The following AGBL1 variants were observed in gnomAD, a reference collection of about 807,000 sequenced individuals.
The protein encoded by AGBL1 is cytosolic carboxypeptidase 4.
In AGBL1, 130 loss-of-function variants were observed where a neutral mutation model predicts 118.9. That is an observed-to-expected ratio of 1.09 (90% confidence interval 0.95 to 1.26). The LOEUF is 1.26. Ranked by LOEUF, AGBL1 falls within the 50% of genes most tolerant of loss-of-function variation. AGBL1 has a pLI of 0.00. For synonymous variants in AGBL1, 555 were observed against 478.9 expected (o/e 1.16, Z -2.08); for missense variants, 1,584 against 1,298.1 (o/e 1.22, Z -3.38).
At chr15:86,805,121 G>C (rs895804542) in intron 22 of AGBL1, among the ~76,000 whole-genome samples, 42 of 151,944 alleles carry the variant, frequency 2.8e-4, no homozygotes, top group Admixed American at 6.6e-4. Context: ...GAGCAGAGCT[G>C]TCTCACCCAT....
chr15:86,670,382 T>A (rs57505149), intron 21 of AGBL1, among the ~76,000 whole-genome samples: 61,787 of 151,218 alleles, frequency 0.41, 12,955 homozygotes, highest in East Asian at 0.7. Context: ...GGCAGGCAGA[T>A]CACCTGAGGT....
chr15:86,125,496 A>C (rs1436804204), intron 1 of AGBL1, among the ~76,000 whole-genome samples: 1 of 152,202 alleles, frequency 6.6e-6, no homozygotes, highest in Non-Finnish European at 1.5e-5. Context: ...GCATCCTCTG[A>C]GTCCCCTTCA....
chr15:86,944,187 A>C lies in AGBL1; in HGVS notation c.3222-43800A>C, dbSNP rs368728925. ...GGAGTTCGAGACCAGCCTGACCAAC[A>C]TGGAGAAACTCTGTCTCTATTAAAA... On this transcript the variant is annotated intron_variant, in intron 23 of 24. Transcript: ENST00000441037. 2.4e-4 allele frequency among the ~76,000 whole-genome samples: 36 copies of C among 152,094 alleles called. 1 individual carries two copies. In the South Asian group the frequency reaches 7.3e-3, roughly 31 times the overall value.
At chr15:86,426,361 C>G (rs540467852) in intron 18 of AGBL1, among the ~76,000 whole-genome samples, 1 of 152,336 alleles carries the variant, frequency 6.6e-6, no homozygotes, top group Admixed American at 6.5e-5. Context: ...AAGAAAATCT[C>G]TTTTCCCAGG....
chr15:86,778,524 C>T (rs372201949), intron 22 of AGBL1, among the ~76,000 whole-genome samples: 23 of 152,270 alleles, frequency 1.5e-4, no homozygotes, highest in Admixed American at 1.5e-3. Context: ...TTCTCTTTCT[C>T]AGGGATGTTC....
At chr15:86,923,564 T>C (rs2141622959) in intron 23 of AGBL1, among the ~76,000 whole-genome samples, 2 of 152,374 alleles carry the variant, frequency 1.3e-5, no homozygotes, top group Admixed American at 1.3e-4. Flanking sequence ...GCATTTATTA[T>C]GCAATTAACT....
In AGBL1 at chr15:86,810,498, A is replaced by G. The variant is rs77352005; in HGVS notation, c.3159-96589A>G. Among the ~76,000 whole-genome samples, 24 of 152,236 alleles carry G rather than the reference A, an allele frequency of 1.6e-4. No individual in the cohort carries two copies. In the East Asian group the frequency reaches 2.5e-3, roughly 16 times the overall value. On this transcript the variant is annotated intron_variant, in intron 22 of 22. Coordinates refer to ENST00000614907, the MANE Select transcript of AGBL1 (RefSeq NM_001386094.1). ...TTAATCAGCACCTCTGAAAGGCCCCATTACTGAGAATATTTAAAGTATGAC... is the reference window on the plus strand; with the variant it reads ...TTAATCAGCACCTCTGAAAGGCCCCGTTACTGAGAATATTTAAAGTATGAC...
intron 22 of AGBL1, among the ~76,000 whole-genome samples, chr15:86,902,325 C>T (rs2080222168): frequency 6.6e-6 from 1 of 152,076 alleles, no homozygotes; most frequent in African/African-American, 2.4e-5. Context: ...AGTGATATCT[C>T]ATTATAGTCT....
At chr15:86,412,057 C>T (rs74954535) in intron 18 of AGBL1, among the ~76,000 whole-genome samples, 5,190 of 152,300 alleles carry the variant, frequency 0.034, 116 homozygotes, top group Non-Finnish European at 0.054. Flanking sequence ...TCTTTGTCAG[C>T]AGCTCAATGT....
chr15:86,716,339 C>T (rs531562977), intron 22 of AGBL1, among the ~76,000 whole-genome samples: 1 of 151,930 alleles, frequency 6.6e-6, no homozygotes, highest in African/African-American at 2.4e-5. Flanking sequence ...CTGAAAGGCT[C>T]GGAAGTGTAG....
chr15:86,480,160 C>T (rs1452283315), intron 18 of AGBL1, among the ~76,000 whole-genome samples: 1 of 152,092 alleles, frequency 6.6e-6, no homozygotes, highest in East Asian at 1.9e-4. Flanking sequence ...GTGTGTAGCA[C>T]ACCAACATGG....
chr15:86,532,282 G>A (rs544282744), intron 19 of AGBL1, among the ~76,000 whole-genome samples: 35 of 152,052 alleles, frequency 2.3e-4, no homozygotes, highest in African/African-American at 8.0e-4. Flanking sequence ...CAAAATCAAT[G>A]TGCAAAAATC....
chr15:86,161,691 T>G (rs1019217954), intron 5 of AGBL1, among the ~76,000 whole-genome samples: 10 of 152,328 alleles, frequency 6.6e-5, no homozygotes, highest in African/African-American at 2.4e-4. Flanking sequence ...GGCTATTTCC[T>G]CTCAAAGGCT....
chr15:86,726,275 C>A (rs1227222281), intron 22 of AGBL1, among the ~76,000 whole-genome samples: 2 of 152,078 alleles, frequency 1.3e-5, no homozygotes, highest in Non-Finnish European at 2.9e-5. Flanking sequence ...GTGACAGATG[C>A]AAGATCTGGA....
At chr15:86,953,323 T>G (rs2080898042) in intron 23 of AGBL1, among the ~76,000 whole-genome samples, 1 of 152,096 alleles carries the variant, frequency 6.6e-6, no homozygotes, top group Non-Finnish European at 1.5e-5. Flanking sequence ...CTTTTATTTG[T>G]GTAGTCTCTG....
chr15:86,860,720 G>A (rs1404390603), intron 22 of AGBL1, among the ~76,000 whole-genome samples: 1 of 151,882 alleles, frequency 6.6e-6, no homozygotes, highest in Non-Finnish European at 1.5e-5. Flanking sequence ...GTAAGTGTGT[G>A]TGTGTGTGTG....
At chr15:86,571,969 C>T (rs1383127425) in intron 21 of AGBL1, among the ~76,000 whole-genome samples, 1 of 152,192 alleles carries the variant, frequency 6.6e-6, no homozygotes, top group Non-Finnish European at 1.5e-5. Context: ...TCCTCAGCAC[C>T]CCCTTAGCCT....
chr15:86,897,510 A>G (rs1280569626), intron 22 of AGBL1, among the ~76,000 whole-genome samples: 1 of 151,950 alleles, frequency 6.6e-6, no homozygotes, highest in East Asian at 1.9e-4. Flanking sequence ...TCTTTCTTAT[A>G]TATTTGAATT....
chr15:86,302,408 G>A (rs1019336415), intron 17 of AGBL1, among the ~76,000 whole-genome samples: 2 of 152,018 alleles, frequency 1.3e-5, no homozygotes, highest in East Asian at 1.9e-4. Flanking sequence ...TATATGCAGA[G>A]AAATGGGGGC....
Sources: gnomAD v4.1 joint callset for allele counts (sites outside exome capture counted in the v4.1 genomes callset) on GRCh38, gnomAD v4.1.1 for gene constraint, MANE v1.5 for transcripts, NCBI Gene and HGNC (gene_info 2026-07-23, HGNC 2026-07-21) for gene names.